The following EPHA6 variants were observed in gnomAD, a reference collection of about 807,000 sequenced individuals.
EPHA6 encodes the protein ephrin type-A receptor 6.
A neutral mutation model predicts 112.0 loss-of-function variants in EPHA6; 50 were observed. The observed-to-expected ratio is 0.45, with a 90% CI of 0.36 to 0.56. The LOEUF (loss-of-function observed/expected upper bound fraction) is 0.56, where lower values mean the gene tolerates loss of function less well. Among genes scored for constraint, EPHA6 ranks in the 20% least tolerant of loss-of-function variants. EPHA6 has a pLI of 0.00. For missense variants in EPHA6, 1,280 were observed against 1,417.4 expected (o/e 0.90, Z 1.56); for synonymous variants, 529 against 490.7 (o/e 1.08, Z -1.03).
chr3:97,699,638 A>G (rs1016028024), intron 14 of EPHA6, among the ~76,000 whole-genome samples: 2 of 152,210 alleles, frequency 1.3e-5, no homozygotes, highest in Admixed American at 6.5e-5. Flanking sequence ...CAATAACGGG[A>G]ATCTGATAAA....
At position 97,218,352 on chromosome 3, in the gene EPHA6, G is replaced by A. The variant is rs118049486; in HGVS notation, c.1115-7912G>A. ...CATAGTGCTATAAAGAACTGCCTGA[G>A]ACAAGGTAATTTATAAAAAATAGAG... On this transcript the variant is annotated intron_variant, in intron 3 of 17. Transcript: ENST00000389672. Among the ~76,000 whole-genome samples, 115 of 152,146 alleles carry A rather than the reference G, an allele frequency of 7.6e-4. 2 individuals are homozygous for A. The East Asian group carries it at 0.021, about 27-fold the overall frequency.
intron 7 of EPHA6, among the ~76,000 whole-genome samples, chr3:97,469,429 C>A (rs892066886): frequency 2.6e-5 from 4 of 151,656 alleles, no homozygotes; most frequent in African/African-American, 9.7e-5. Flanking sequence ...AGTATGTGGA[C>A]CTCAGTCAGA....
chr3:97,176,009 TG>T (rs1400558182), intron 3 of EPHA6, among the ~76,000 whole-genome samples: 28 of 152,012 alleles, frequency 1.8e-4, no homozygotes, highest in African/African-American at 6.7e-4. Flanking sequence ...TTTCACTTTC[TG>T]CCCATTCAGT....
At chr3:97,307,599 C>T (rs1410372181) in intron 5 of EPHA6, among the ~76,000 whole-genome samples, 2 of 146,748 alleles carry the variant, frequency 1.4e-5, no homozygotes, top group Non-Finnish European at 3.0e-5. Context: ...TTTGTCTTTA[C>T]ATTTTGTTGC....
In EPHA6 at chr3:96,874,259, A is replaced by G. The variant is rs1576204311; in HGVS notation, c.450+7370A>G. On this transcript the variant is annotated intron_variant, in intron 2 of 17. Transcript: ENST00000389672. ...ATTAATTTTCCTTTGAAGCTTAATA[A>G]TCAAACTAAGGATGCTTAATTATTC... 3.3e-5 allele frequency among the ~76,000 whole-genome samples: 5 copies of G among 152,282 alleles called. 1 individual carries two copies. In the East Asian group the frequency reaches 9.7e-4, roughly 29 times the overall value.
chr3:96,910,180 G>A (rs2039144803), intron 2 of EPHA6, among the ~76,000 whole-genome samples: 1 of 151,928 alleles, frequency 6.6e-6, no homozygotes, highest in Admixed American at 6.6e-5. Flanking sequence ...ACAAGACAGG[G>A]CATTGTGTTA....
At chr3:97,589,591 T>G (rs569296702) in intron 11 of EPHA6, among the ~76,000 whole-genome samples, 127 of 152,306 alleles carry the variant, frequency 8.3e-4, no homozygotes, top group African/African-American at 2.8e-3. Context: ...CACTAAATAC[T>G]AGGAATGCCT....
At chr3:97,252,065 T>A (rs1576773699) in intron 5 of EPHA6, among the ~76,000 whole-genome samples, 1 of 152,176 alleles carries the variant, frequency 6.6e-6, no homozygotes, top group East Asian at 1.9e-4. Flanking sequence ...TATACAAGTC[T>A]TTTTTCTGTA....
intron 3 of EPHA6, among the ~76,000 whole-genome samples, chr3:97,010,738 A>G (rs1266802710): frequency 6.6e-6 from 1 of 152,064 alleles, no homozygotes; most frequent in Non-Finnish European, 1.5e-5. Context: ...GGCACACTGC[A>G]ACCTCCACCT....
chr3:96,835,955 G>T (rs2034385125), intron 1 of EPHA6, among the ~76,000 whole-genome samples: 1 of 152,010 alleles, frequency 6.6e-6, no homozygotes, highest in East Asian at 1.9e-4. Context: ...AGTATTAAGG[G>T]GAAATAAGCA....
chr3:97,143,029 G>A (rs950852053), intron 3 of EPHA6, among the ~76,000 whole-genome samples: 7 of 151,758 alleles, frequency 4.6e-5, no homozygotes, highest in African/African-American at 1.7e-4. Context: ...TTGGAAAAGA[G>A]GAAGTCCAAC....
intron 2 of EPHA6, among the ~76,000 whole-genome samples, chr3:96,871,579 A>ATG (rs925643213): frequency 6.6e-6 from 1 of 151,854 alleles, no homozygotes; most frequent in African/African-American, 2.4e-5. Flanking sequence ...AAAATGTAGA[A>ATG]TGAGTACTTT....
chr3:97,524,096 T>C (rs980681424), intron 10 of EPHA6, among the ~76,000 whole-genome samples: 2 of 152,076 alleles, frequency 1.3e-5, no homozygotes, highest in Non-Finnish European at 2.9e-5. Context: ...AAAATTAGTA[T>C]GGATAGATAT....
chr3:97,538,615 C>T (rs1180687371), intron 11 of EPHA6, among the ~76,000 whole-genome samples: 4 of 152,036 alleles, frequency 2.6e-5, no homozygotes, highest in Admixed American at 2.0e-4. Flanking sequence ...AAGAGGCCAA[C>T]TGAAGAAGAG....
chr3:97,221,703 C>CATT (rs1271184232), intron 3 of EPHA6, among the ~76,000 whole-genome samples: 1 of 151,994 alleles, frequency 6.6e-6, no homozygotes, highest in African/African-American at 2.4e-5. Context: ...TAGCATTCAC[C>CATT]ATTTATTTAC....
intron 6 of EPHA6, among the ~76,000 whole-genome samples, chr3:97,427,636 T>C (rs986111849): frequency 1.3e-5 from 2 of 151,458 alleles, no homozygotes; most frequent in Non-Finnish European, 2.9e-5. Context: ...ACAAACCCCA[T>C]GACACAGGTT....
chr3:97,432,352 G>A (rs1024367759), intron 6 of EPHA6, among the ~76,000 whole-genome samples: 38 of 152,118 alleles, frequency 2.5e-4, no homozygotes, highest in African/African-American at 9.2e-4. Flanking sequence ...CAACAGCATT[G>A]ATAATCATTC....
intron 2 of EPHA6, among the ~76,000 whole-genome samples, chr3:96,963,365 G>C (rs1452461553): frequency 1.3e-5 from 2 of 152,192 alleles, no homozygotes; most frequent in Admixed American, 1.3e-4. Flanking sequence ...ATCCCCTCAT[G>C]CACAAATTTA....
At position 97,224,031 on chromosome 3, in the gene EPHA6, G is replaced by GA. The variant is rs920171881; in HGVS notation, c.1115-2223dup. 2.7e-3 allele frequency among the ~76,000 whole-genome samples: 402 copies of GA among 147,840 alleles called. 2 individuals are homozygous for GA. Among genetic ancestry groups the GA allele is most frequent in the African/African-American group, 8.8e-3 (356 of 40,412 alleles). On this transcript the variant is annotated intron_variant, in intron 3 of 17. Coordinates refer to ENST00000389672, the MANE Select transcript of EPHA6 (RefSeq NM_001080448.3). ...ACATACAGGATTTCAAATACTTCGA[G>GA]AAAAAAAAAATTTAAAATCCAAGGA...
Sources: gnomAD v4.1 joint callset for allele counts (sites outside exome capture counted in the v4.1 genomes callset) on GRCh38, gnomAD v4.1.1 for gene constraint, MANE v1.5 for transcripts, NCBI Gene and HGNC (gene_info 2026-07-23, HGNC 2026-07-21) for gene names.